Variants in CDH4 observed in about 807,000 individuals in gnomAD.
The protein encoded by CDH4 is cadherin-4.
In CDH4, 33 loss-of-function variants were observed where a neutral mutation model predicts 86.0. That is an observed-to-expected ratio of 0.38 (90% confidence interval 0.29 to 0.51). The LOEUF (loss-of-function observed/expected upper bound fraction) is 0.51. Ranked by LOEUF, CDH4 falls within the 20% of genes least tolerant of loss-of-function variation. The pLI, the probability that CDH4 is intolerant of heterozygous loss-of-function variation, is 0.86. For missense variants in CDH4, 1,114 were observed against 1,307.4 expected, an observed-to-expected ratio of 0.85 and a Z score of 2.28; for synonymous variants, 555 against 549.4, an observed-to-expected ratio of 1.01 and a Z score of -0.14.
intron 2 of CDH4, among the ~76,000 whole-genome samples, chr20:61,702,920 G>A (rs546372092): frequency 1.3e-5 from 2 of 152,186 alleles, no homozygotes; most frequent in African/African-American, 2.4e-5. Flanking sequence ...CGCTTTTTAC[G>A]TGTGGGAGGT....
intron 2 of CDH4, among the ~76,000 whole-genome samples, chr20:61,602,441 T>C (rs1003884157): frequency 1.3e-5 from 2 of 152,174 alleles, no homozygotes; most frequent in East Asian, 3.9e-4. Context: ...GATGGACATC[T>C]TGGTGTAACA....
At chr20:61,851,443 C>T (rs1050485574) in intron 5 of CDH4, among the ~76,000 whole-genome samples, 4 of 152,160 alleles carry the variant, frequency 2.6e-5, no homozygotes, top group Admixed American at 2.0e-4. Context: ...CCCCTGAGTT[C>T]GGGGGAGTGG....
At chr20:61,390,781 G>A (rs1371842218) in intron 2 of CDH4, among the ~76,000 whole-genome samples, 9 of 151,208 alleles carry the variant, frequency 6.0e-5, no homozygotes. Flanking sequence ...AACCCTAAAT[G>A]AGATCGTGCA....
At chr20:61,905,300 C>G (rs1419244988) in intron 8 of CDH4, among the ~76,000 whole-genome samples, 1 of 152,208 alleles carries the variant, frequency 6.6e-6, no homozygotes, top group Non-Finnish European at 1.5e-5. Flanking sequence ...CTTTATTAAA[C>G]TTGCATGATT....
chr20:61,777,987 C>CACACACGTGCACACTAT (rs1978343229), intron 4 of CDH4, among the ~76,000 whole-genome samples: 1 of 152,268 alleles, frequency 6.6e-6, no homozygotes. Flanking sequence ...TCCACATGCA[C>CACACACGTGCACACTAT]ACACACGTGC....
chr20:61,419,095 C>T lies in CDH4; in HGVS notation c.169+164158C>T, dbSNP rs573635067. On this transcript the variant is annotated intron_variant, in intron 2 of 15. Transcript: ENST00000614565. ...TATCTTTCTGGGGGCCACTGTTCAACCATGACAGTGGGTCAGTGTTTTGTC... is the reference window on the plus strand; with the variant it reads ...TATCTTTCTGGGGGCCACTGTTCAATCATGACAGTGGGTCAGTGTTTTGTC... 1.5e-3 allele frequency among the ~76,000 whole-genome samples: 227 copies of T among 152,302 alleles called. 1 individual carries two copies. The highest frequency in any genetic ancestry group is 5.1e-3 in the African/African-American group (214 of 41,562).
intron 2 of CDH4, among the ~76,000 whole-genome samples, chr20:61,327,557 G>C (rs987869391): frequency 2.6e-5 from 4 of 152,196 alleles, no homozygotes; most frequent in Non-Finnish European, 4.4e-5. Context: ...TCTCCTGTTT[G>C]ACCTGTCAGA....
intron 2 of CDH4, among the ~76,000 whole-genome samples, chr20:61,704,754 A>G (rs540049531): frequency 6.6e-6 from 1 of 152,250 alleles, no homozygotes; most frequent in South Asian, 2.1e-4. Context: ...GGTCATCATC[A>G]TGGGCATTAA....
chr20:61,560,909 G>A (rs991123769), intron 2 of CDH4, among the ~76,000 whole-genome samples: 4 of 152,208 alleles, frequency 2.6e-5, no homozygotes, highest in Admixed American at 6.5e-5. Flanking sequence ...TCCCCAACCC[G>A]GATGAGAGGG....
intron 2 of CDH4, among the ~76,000 whole-genome samples, chr20:61,705,891 C>A (rs1275607951): frequency 6.6e-6 from 1 of 152,230 alleles, no homozygotes. Flanking sequence ...TCAAATACCC[C>A]AGTTGTGTCA....
intron 4 of CDH4, among the ~76,000 whole-genome samples, chr20:61,819,671 G>A (rs971035947): frequency 2.0e-5 from 3 of 152,170 alleles, no homozygotes; most frequent in Non-Finnish European, 4.4e-5. Flanking sequence ...GCTGCTGATT[G>A]GTATAATTTA....
At chr20:61,489,274 G>A (rs1022306031) in intron 2 of CDH4, among the ~76,000 whole-genome samples, 1 of 152,174 alleles carries the variant, frequency 6.6e-6, no homozygotes, top group Non-Finnish European at 1.5e-5. Context: ...ATAGAACCAG[G>A]TTCAGACCCA....
At chr20:61,445,961 G>A (rs954554569) in intron 2 of CDH4, among the ~76,000 whole-genome samples, 3 of 152,238 alleles carry the variant, frequency 2.0e-5, no homozygotes, top group Non-Finnish European at 2.9e-5. Flanking sequence ...TCCCATGCCC[G>A]CTGGTGGATA....
chr20:61,564,851 G>T (rs2086252230), intron 2 of CDH4, among the ~76,000 whole-genome samples: 1 of 152,154 alleles, frequency 6.6e-6, no homozygotes, highest in African/African-American at 2.4e-5. Flanking sequence ...TAGCAGGCGA[G>T]GTCCCCGGGG....
chr20:61,845,441 G>A (rs966749764), intron 5 of CDH4, among the ~76,000 whole-genome samples: 21 of 152,180 alleles, frequency 1.4e-4, no homozygotes, highest in East Asian at 3.9e-4. Flanking sequence ...CTCCCGGGCC[G>A]AACTGACCCT....
intron 2 of CDH4, among the ~76,000 whole-genome samples, chr20:61,359,739 C>G (rs564008355): frequency 6.6e-6 from 1 of 152,286 alleles, no homozygotes; most frequent in Admixed American, 6.5e-5. Context: ...TGCTCCCATC[C>G]AAGTCTACAG....
At chr20:61,353,761 A>ACCCTCCCCC (rs1555840045) in intron 2 of CDH4, among the ~76,000 whole-genome samples, 2 of 122,604 alleles carry the variant, frequency 1.6e-5, no homozygotes, top group East Asian at 2.4e-4. Context: ...ACGATGATTC[A>ACCCTCCCCC]CCCCAGTTCA....
chr20:61,363,410 A>C lies in CDH4; in HGVS notation c.169+108473A>C, dbSNP rs763560499. Among the ~76,000 whole-genome samples the C allele has an allele frequency of 4.7e-4, 70 of 150,498 alleles. No homozygotes were observed. The South Asian group carries it at 6.5e-3, about 14-fold the overall frequency. On this transcript the variant is annotated intron_variant, in intron 2 of 15. Coordinates refer to ENST00000614565, the MANE Select transcript of CDH4 (RefSeq NM_001794.5). ...TTGAGAGGCATAAAAGAATCTAAAT[A>C]TCTCTCTCTCTCTCTCTCACATACA... is the stretch of plus-strand genomic sequence containing the variant.
At chr20:61,606,017 A>G (rs1041015426) in intron 2 of CDH4, among the ~76,000 whole-genome samples, 2 of 152,116 alleles carry the variant, frequency 1.3e-5, no homozygotes, top group East Asian at 1.9e-4. Context: ...CCTCTGGGCA[A>G]TGCTGGGCAA....
Sources: gnomAD v4.1 joint callset for allele counts (sites outside exome capture counted in the v4.1 genomes callset) on GRCh38, gnomAD v4.1.1 for gene constraint, MANE v1.5 for transcripts, NCBI Gene and HGNC (gene_info 2026-07-23, HGNC 2026-07-21) for gene names.